LRRC74A: variants seen among roughly 807,000 people sequenced by gnomAD.
LRRC74A encodes leucine rich repeat containing 74A, also known as leucine-rich repeat-containing protein 74A.
Under a neutral mutation model 57.9 loss-of-function variants are expected in LRRC74A, and 44 were observed. The observed-to-expected ratio is 0.76, with a 90% confidence interval of 0.60 to 0.98. The LOEUF is 0.98. Ranked by LOEUF, LRRC74A falls within the 50% of genes least tolerant of loss-of-function variation. The pLI, the probability that LRRC74A is intolerant of heterozygous loss-of-function variation, is 0.00. For missense variants in LRRC74A, 572 were observed against 574.0 expected (o/e 1.00, Z 0.04); for synonymous variants, 211 against 219.4 (o/e 0.96, Z 0.34).
intron 9 of LRRC74A, among the ~76,000 whole-genome samples, chr14:76,856,716 A>G (rs1219315731): frequency 6.6e-6 from 1 of 150,870 alleles, no homozygotes; most frequent in African/African-American, 2.4e-5. Flanking sequence ...GGATGGATGG[A>G]TGGATGGATG....
chr14:76,843,171 TACTC>T (rs2140278040), intron 5 of LRRC74A, among the ~76,000 whole-genome samples: 1 of 151,970 alleles, frequency 6.6e-6, no homozygotes, highest in East Asian at 1.9e-4. Context: ...TAATCCCAGT[TACTC>T]AGGAGGCTGA....
At chr14:76,837,370 GA>G (rs1452650318) in intron 4 of LRRC74A, among the ~76,000 whole-genome samples, 3 of 152,024 alleles carry the variant, frequency 2.0e-5, no homozygotes, top group Admixed American at 6.6e-5. Flanking sequence ...GAAATTCAAA[GA>G]AAAGGGGGAA....
chr14:76,855,505 G>C (rs1416873433), intron 9 of LRRC74A, among the ~76,000 whole-genome samples: 2 of 152,194 alleles, frequency 1.3e-5, no homozygotes, highest in East Asian at 3.8e-4. Context: ...TGTTTTAGAA[G>C]TAAAAGAGAA....
At chr14:76,836,791 C>CAAAAAAA (rs11339843) in intron 4 of LRRC74A, among the ~76,000 whole-genome samples, 2 of 92,914 alleles carry the variant, frequency 2.2e-5, no homozygotes, top group Non-Finnish European at 2.1e-5. Context: ...GACTCCATCT[C>CAAAAAAA]AAAAAAAAAA....
chr14:76,869,341 C>T (rs1468333985), intron 13 of LRRC74A, among the ~76,000 whole-genome samples: 1 of 152,206 alleles, frequency 6.6e-6, no homozygotes, highest in Non-Finnish European at 1.5e-5. Flanking sequence ...CTTCAAATTG[C>T]CCTTCAGATC....
At chr14:76,833,334 C>T (rs1452162487) in intron 3 of LRRC74A, among the ~76,000 whole-genome samples, 1 of 152,064 alleles carries the variant, frequency 6.6e-6, no homozygotes, top group East Asian at 1.9e-4. Context: ...TATAGTAGTC[C>T]ACCCTTACCC....
In LRRC74A at chr14:76,826,734, G is replaced by A. The variant is rs781522834; in HGVS notation, c.37G>A (p.Asp13Asn). 2.8e-5 allele frequency: 43 copies of A among 1,510,756 alleles called. No homozygotes were observed. The highest frequency in any genetic ancestry group is 3.6e-5 in the Non-Finnish European group (41 of 1,129,672). 93.6% of individuals were successfully genotyped at this position (1,510,756 alleles called of 1,614,324 possible). The part of the protein sequence containing the change: ...NDKPLQPETE[D>N]EIEIEPVRQS... ...CAAGCCTCTTCAGCCTGAGACAGAA[G>A]GTGAAAGGGCATCCCATCTCTCACC... Residue 13 changes from aspartate to asparagine, a missense_variant and splice_region_variant, in exon 1 of 14, where the codon GAT (aspartate) becomes AAT (asparagine). By Grantham distance (23) the Asp-to-Asn change is conservative (BLOSUM62 1). Coordinates refer to ENST00000689127, the MANE Select transcript of LRRC74A (RefSeq NM_001385106.1).
intron 5 of LRRC74A, among the ~76,000 whole-genome samples, chr14:76,838,690 C>A (rs1896541766): frequency 6.6e-6 from 1 of 152,222 alleles, no homozygotes; most frequent in South Asian, 2.1e-4. Context: ...TTGATTATAT[C>A]TCTGAAAAAC....
chr14:76,853,493 G>T, intron 9 of LRRC74A, 83 bp downstream of exon 9: 1 of 1,273,542 alleles, frequency 7.9e-7, no homozygotes, highest in Non-Finnish European at 1.1e-6. Flanking sequence ...GTTGGGGGCT[G>T]CAGAGTACTG....
chr14:76,839,008 A>C (rs1349075194), intron 5 of LRRC74A, among the ~76,000 whole-genome samples: 1 of 152,264 alleles, frequency 6.6e-6, no homozygotes, highest in Non-Finnish European at 1.5e-5. Flanking sequence ...TGGCAGAACA[A>C]ATAGATTTAT....
rs1204674994 is a variant in LRRC74A, at chr14:76,826,504, C to T, written c.-194C>T. 6.3e-7 allele frequency: 1 copy of T among 1,590,374 alleles called. No individual in the cohort carries two copies. The highest frequency in any genetic ancestry group is 1.8e-5 in the Admixed American group (1 of 56,872). On this transcript the variant is annotated 5_prime_UTR_variant, in exon 1 of 14. Coordinates refer to ENST00000689127, the MANE Select transcript of LRRC74A (RefSeq NM_001385106.1). ...GAGTTGGGGTCAAATTCATGCACAT[C>T]CAATTCCCATCAAAGCCTACTCTTC...
At chr14:76,849,663 CGTG>C (rs71122584) in intron 7 of LRRC74A, among the ~76,000 whole-genome samples, 55,431 of 149,796 alleles carry the variant, frequency 0.37, 10,627 homozygotes, top group East Asian at 0.52. Flanking sequence ...ATTAGCTGGA[CGTG>C]GTGACTTGGG....
chr14:76,858,779 G>C (rs894121012), intron 10 of LRRC74A, among the ~76,000 whole-genome samples: 1 of 151,996 alleles, frequency 6.6e-6, no homozygotes, highest in Non-Finnish European at 1.5e-5. Context: ...AGTAGAGATG[G>C]GGTTTCACCA....
intron 5 of LRRC74A, among the ~76,000 whole-genome samples, chr14:76,838,848 GC>G (rs1896553539): frequency 1.3e-5 from 2 of 152,246 alleles, no homozygotes; most frequent in South Asian, 4.1e-4. Flanking sequence ...CAATCCTCCC[GC>G]CTCAGCCTCC....
chr14:76,827,295 G>C (rs746087791), intron 1 of LRRC74A, among the ~76,000 whole-genome samples: 11 of 152,012 alleles, frequency 7.2e-5, no homozygotes, highest in Non-Finnish European at 1.5e-4. Context: ...TTGGAACCTG[G>C]GTCTATGGAC....
chr14:76,850,816 C>T (rs369143518), intron 7 of LRRC74A, among the ~76,000 whole-genome samples: 4 of 137,110 alleles, frequency 2.9e-5, no homozygotes, highest in Admixed American at 8.5e-5. Context: ...TGCAGTGAGC[C>T]GAGATTGTCA....
chr14:76,863,185 A>AGTGTGTGT (rs112669509), intron 11 of LRRC74A, among the ~76,000 whole-genome samples: 28,887 of 145,108 alleles, frequency 0.2, 2,973 homozygotes, highest in East Asian at 0.23. Flanking sequence ...CATGCATGTG[A>AGTGTGTGT]GTGTGTGTGT....
chr14:76,833,795 T>G (rs1896133547), intron 3 of LRRC74A, among the ~76,000 whole-genome samples: 1 of 152,190 alleles, frequency 6.6e-6, no homozygotes, highest in South Asian at 2.1e-4. Flanking sequence ...TTATTATTAG[T>G]TATTGTTACC....
intron 7 of LRRC74A, among the ~76,000 whole-genome samples, chr14:76,850,410 G>A (rs1897372810): frequency 6.6e-6 from 1 of 152,038 alleles, no homozygotes; most frequent in Non-Finnish European, 1.5e-5. Context: ...TGGCAGAGAA[G>A]AGGAAATAAG....
Sources: gnomAD v4.1 joint callset for allele counts (sites outside exome capture counted in the v4.1 genomes callset) on GRCh38, gnomAD v4.1.1 for gene constraint, MANE v1.5 for transcripts, NCBI Gene and HGNC (gene_info 2026-07-23, HGNC 2026-07-21) for gene names.